NDUFAF4: variants seen among roughly 807,000 people sequenced by gnomAD.
NDUFAF4 encodes the protein NADH:ubiquinone oxidoreductase complex assembly factor 4, also known as NADH dehydrogenase [ubiquinone] 1 alpha subcomplex assembly factor 4.
In NDUFAF4, 10 loss-of-function variants were observed where a neutral mutation model predicts 15.6. The ratio of observed to expected loss-of-function variants is 0.64; its 90% CI spans 0.40 to 1.09. The LOEUF (loss-of-function observed/expected upper bound fraction) is 1.09, where lower values mean the gene tolerates loss of function less well. Ranked by LOEUF, NDUFAF4 falls within the 50% of genes least tolerant of loss-of-function variation. The pLI, the probability that NDUFAF4 is intolerant of heterozygous loss-of-function variation, is 0.01. For synonymous variants in NDUFAF4, 77 were observed against 73.3 expected (o/e 1.05, Z -0.26); for missense variants, 203 against 207.3 (o/e 0.98, Z 0.13).
In NDUFAF4 at chr6:96,890,845, C is replaced by G; in HGVS notation, c.*259G>C. ...ATGTGCCTAAAATAACAAATTAACTCTTTCACCATAATAAAGGTACAGATG... is the reference window on the plus strand; with the variant it reads ...ATGTGCCTAAAATAACAAATTAACTGTTTCACCATAATAAAGGTACAGATG... On this transcript the variant is annotated 3_prime_UTR_variant, in exon 3 of 3. Coordinates refer to ENST00000316149, the MANE Select transcript of NDUFAF4 (RefSeq NM_014165.4). 5.6e-6 allele frequency: 2 copies of G among 360,044 alleles called. No individual in the cohort carries two copies. The highest frequency in any genetic ancestry group is 5.1e-6 in the Non-Finnish European group (1 of 197,356). The allele number at this position is 360,044 out of a possible 1,614,324, so 22.3% of individuals were successfully genotyped here.
In NDUFAF4 at chr6:96,889,928, C is replaced by CA. The variant is rs978584049; in HGVS notation, c.*1175dup. ...TCCCCAGGCACTTGTTTCTCCACCGCAAAAAATAATTCCTATTTGCTTGGT... is the reference window on the plus strand; with the variant it reads ...TCCCCAGGCACTTGTTTCTCCACCGCAAAAAAATAATTCCTATTTGCTTGGT... On this transcript the variant is annotated 3_prime_UTR_variant, in exon 3 of 3. Coordinates refer to ENST00000316149, the MANE Select transcript of NDUFAF4 (RefSeq NM_014165.4). 1.2e-4 allele frequency: 18 copies of CA among 152,002 alleles called. No individual in the cohort carries two copies. Among genetic ancestry groups the CA allele is most frequent in the African/African-American group, 3.4e-4 (14 of 41,402 alleles). The allele number at this position is 152,002 out of a possible 1,614,324, so 9.4% of individuals were successfully genotyped here.
intron 2 of NDUFAF4, among the ~76,000 whole-genome samples, chr6:96,892,141 A>G (rs1775324224): frequency 6.6e-6 from 1 of 152,190 alleles, no homozygotes; most frequent in South Asian, 2.1e-4. Flanking sequence ...CTGGCTTGAT[A>G]ACATCTATTC....
At chr6:96,895,233 A>T (rs994226761) in intron 2 of NDUFAF4, among the ~76,000 whole-genome samples, 1 of 152,214 alleles carries the variant, frequency 6.6e-6, no homozygotes, top group Non-Finnish European at 1.5e-5. Context: ...AAGAAAATAC[A>T]GAAGAGTTTA....
chr6:96,891,079 A>G lies in NDUFAF4; in HGVS notation c.*25T>C, dbSNP rs1402086291. 6.2e-7 allele frequency: 1 copy of G among 1,603,166 alleles called. No individual in the cohort carries two copies. The highest frequency in any genetic ancestry group is 1.3e-5 in the African/African-American group (1 of 74,776). On this transcript the variant is annotated 3_prime_UTR_variant, in exon 3 of 3. Coordinates refer to ENST00000316149, the MANE Select transcript of NDUFAF4 (RefSeq NM_014165.4). ...ATACAGCAGGAGGGATGAGGAGTAC[A>G]CATAGGAAATTTCTGTGATTTTCTT...
chr6:96,889,421 T>A lies in NDUFAF4; in HGVS notation c.*1683A>T, dbSNP rs1177776127. 1 of 152,218 alleles carries A rather than the reference T, an allele frequency of 6.6e-6. No individual in the cohort carries two copies. Among genetic ancestry groups the A allele is most frequent in the African/African-American group, 2.4e-5 (1 of 41,464 alleles). 9.4% of individuals were successfully genotyped at this position (152,218 alleles called of 1,614,324 possible). ...AAGATGGCTCAGAAGAGTGTACTAG[T>A]ATTTGTGACTCAGCTAGTGACCATT... is the stretch of plus-strand genomic sequence containing the variant. On this transcript the variant is annotated 3_prime_UTR_variant, in exon 3 of 3. Coordinates refer to ENST00000316149, the MANE Select transcript of NDUFAF4 (RefSeq NM_014165.4).
In NDUFAF4 at chr6:96,897,880, A is replaced by C; in HGVS notation, c.-79T>G. 6.3e-7 allele frequency: 1 copy of C among 1,599,110 alleles called. No individual in the cohort carries two copies. Among genetic ancestry groups the C allele is most frequent in the Non-Finnish European group, 8.6e-7 (1 of 1,169,558 alleles). ...AGGACAACTCCGGGACACCCGGAGC[A>C]TGCGCACAAGTGAGGGGAAGCCCCG... On this transcript the variant is annotated 5_prime_UTR_variant, in exon 1 of 3. The change abolishes an upstream ATG in the 5' untranslated region. Coordinates refer to ENST00000316149, the MANE Select transcript of NDUFAF4 (RefSeq NM_014165.4).
intron 2 of NDUFAF4, chr6:96,896,199 C>T (rs1008327061): frequency 1.2e-5 from 2 of 163,090 alleles, no homozygotes; most frequent in Admixed American, 1.2e-4. Flanking sequence ...ATACAAAGCA[C>T]TTGTGCCCAG....
At chr6:96,894,430 CA>C (rs1230358191) in intron 2 of NDUFAF4, among the ~76,000 whole-genome samples, 1 of 152,058 alleles carries the variant, frequency 6.6e-6, no homozygotes, top group Non-Finnish European at 1.5e-5. Flanking sequence ...GTGCTTCCTT[CA>C]AGTGAAAAGG....
At chr6:96,895,635 C>T (rs1258526344) in intron 2 of NDUFAF4, among the ~76,000 whole-genome samples, 1 of 152,058 alleles carries the variant, frequency 6.6e-6, no homozygotes, top group Non-Finnish European at 1.5e-5. Flanking sequence ...AATTAAGTAA[C>T]ATGAGAGAAA....
chr6:96,894,821 C>A (rs1264012278), intron 2 of NDUFAF4, among the ~76,000 whole-genome samples: 1 of 152,166 alleles, frequency 6.6e-6, no homozygotes, highest in Non-Finnish European at 1.5e-5. Context: ...TTCAATTATA[C>A]TCAAAATCCA....
chr6:96,896,357 A>C (rs1181524217), intron 2 of NDUFAF4, among the ~76,000 whole-genome samples: 1 of 152,194 alleles, frequency 6.6e-6, no homozygotes, highest in African/African-American at 2.4e-5. Context: ...ACCACTTACT[A>C]AAGGAGTCTC....
At chr6:96,896,899 A>T in intron 1 of NDUFAF4, 52 bp from the exon 2 acceptor site, 1 of 1,291,926 alleles carries the variant, frequency 7.7e-7, no homozygotes. Context: ...ATTTCCTGTA[A>T]TATCCTAAAC....
At chr6:96,897,598 G>T in intron 1 of NDUFAF4, 68 bp downstream of exon 1, 1 of 1,604,664 alleles carries the variant, frequency 6.2e-7, no homozygotes. Flanking sequence ...CCGGACCCAC[G>T]CTAGGGACAG....
At position 96,897,847 on chromosome 6, in the gene NDUFAF4, A is replaced by G; in HGVS notation, c.-46T>C. ...TCAGGTTCAGGCCGCACGTGGGAAC[A>G]CCGGCGCAGGACAACTCCGGGACAC... On this transcript the variant is annotated 5_prime_UTR_variant, in exon 1 of 3. Coordinates refer to ENST00000316149, the MANE Select transcript of NDUFAF4 (RefSeq NM_014165.4). 6.2e-7 allele frequency: 1 copy of G among 1,612,604 alleles called. No individual in the cohort carries two copies. Among genetic ancestry groups the G allele is most frequent in the South Asian group, 1.1e-5 (1 of 91,026 alleles).
At chr6:96,891,439 T>C (rs1775315449) in intron 2 of NDUFAF4, 48 bp from the exon 3 acceptor site, 2 of 1,514,754 alleles carry the variant, frequency 1.3e-6, no homozygotes, top group Non-Finnish European at 1.8e-6. Flanking sequence ...AGATTTGACA[T>C]CTACTTTCAT....
At position 96,889,757 on chromosome 6, in the gene NDUFAF4, C is replaced by T. The variant is rs564865713; in HGVS notation, c.*1347G>A. On this transcript the variant is annotated 3_prime_UTR_variant, in exon 3 of 3. Transcript: ENST00000316149. Reference sequence around the variant, plus strand: ...ATCTTCCCTCGGAAGCACTAATAACCCTAATATACCCACAATTCACACCTT... The same window carrying T: ...ATCTTCCCTCGGAAGCACTAATAACTCTAATATACCCACAATTCACACCTT... The T allele has an allele frequency of 6.6e-6, 1 of 152,424 alleles. No individual in the cohort carries two copies. Among genetic ancestry groups the T allele is most frequent in the Non-Finnish European group, 1.5e-5 (1 of 68,004 alleles). The allele number at this position is 152,424 out of a possible 1,614,324, so 9.4% of individuals were successfully genotyped here.
rs569455307 is a variant in NDUFAF4 at position 96,889,898 on chromosome 6, T to C, written c.*1206A>G. 1.8e-3 allele frequency: 279 copies of C among 152,288 alleles called. 1 individual carries two copies. Among genetic ancestry groups the C allele is most frequent in the African/African-American group, 6.5e-3 (270 of 41,570 alleles). The allele number at this position is 152,288 out of a possible 1,614,324, so 9.4% of individuals were successfully genotyped here. A position where few individuals can be genotyped will look rare whatever the true frequency, so the allele number is the denominator to read the frequency against. The stretch of plus-strand genomic sequence containing the variant: ...ATAAACTACAGAATCTTCGGTCATA[T>C]ATTCTCCCCAGGCACTTGTTTCTCC... On this transcript the variant is annotated 3_prime_UTR_variant, in exon 3 of 3. Transcript: ENST00000316149.
intron 2 of NDUFAF4, among the ~76,000 whole-genome samples, chr6:96,891,622 T>C (rs562925179): frequency 3.3e-5 from 5 of 151,970 alleles, no homozygotes; most frequent in Non-Finnish European, 7.4e-5. Context: ...ATTCTCGTGA[T>C]AGAGTTCTCA....
Position 96,889,552 on chromosome 6 carries a change from ATAAAC to A in NDUFAF4, c.*1547_*1551del, listed in dbSNP as rs1318783477. The A allele has an allele frequency of 2.0e-5, 3 of 152,494 alleles. No individual in the cohort carries two copies. The highest frequency in any genetic ancestry group is 7.2e-5 in the African/African-American group (3 of 41,454). The allele number at this position is 152,494 out of a possible 1,614,324, so 9.4% of individuals were successfully genotyped here. A position where few individuals can be genotyped will look rare whatever the true frequency, so the allele number is the denominator to read the frequency against. Reference sequence around the variant, plus strand: ...AAACAATTATTGTATTGAACTAAAAATAAACTAGGTAGTTTGTTCACATAACAAAT... The same window carrying A: ...AAACAATTATTGTATTGAACTAAAAATAGGTAGTTTGTTCACATAACAAAT... On this transcript the variant is annotated 3_prime_UTR_variant, in exon 3 of 3. Coordinates refer to ENST00000316149, the MANE Select transcript of NDUFAF4 (RefSeq NM_014165.4).
Sources: allele counts gnomAD v4.1 joint callset (sites outside exome capture counted in the v4.1 genomes callset), GRCh38; gene constraint gnomAD v4.1.1; transcripts MANE v1.5; gene names NCBI Gene and HGNC (gene_info 2026-07-23, HGNC 2026-07-21).